The following THSD4 variants were observed in gnomAD, a reference collection of about 807,000 sequenced individuals.
The protein encoded by THSD4 is thrombospondin type-1 domain-containing protein 4.
Under a neutral mutation model 119.0 loss-of-function variants are expected in THSD4, and 69 were observed. That is an observed-to-expected ratio of 0.58 (90% CI 0.48 to 0.71). THSD4 has a LOEUF of 0.71. THSD4 is among the 30% of genes least tolerant of loss of function. The probability of loss-of-function intolerance (pLI) is 0.00; values close to 1 mark genes in which losing one functional copy is unlikely to be tolerated. For missense variants in THSD4, 1,393 were observed against 1,391.1 expected (o/e 1.00, Z -0.02); for synonymous variants, 524 against 540.4 (o/e 0.97, Z 0.42).
At chr15:71,417,522 C>G (rs1170781788) in intron 7 of THSD4, among the ~76,000 whole-genome samples, 2 of 107,320 alleles carry the variant, frequency 1.9e-5, no homozygotes, top group African/African-American at 3.2e-5. Flanking sequence ...GCTCTTGACC[C>G]CTTTAATGAA....
At chr15:71,486,130 C>T (rs2047812816) in intron 7 of THSD4, among the ~76,000 whole-genome samples, 2 of 152,030 alleles carry the variant, frequency 1.3e-5, no homozygotes, top group South Asian at 4.2e-4. Flanking sequence ...CTTGAGCACC[C>T]TTACACACCC....
At chr15:71,724,290 T>A (rs999267596) in intron 8 of THSD4, among the ~76,000 whole-genome samples, 9 of 83,988 alleles carry the variant, frequency 1.1e-4, no homozygotes, top group Admixed American at 4.3e-4. Flanking sequence ...TATATATATT[T>A]TTTTTTTCCC....
At chr15:71,283,917 GAGCT>G (rs1482185340) in intron 6 of THSD4, among the ~76,000 whole-genome samples, 1 of 152,196 alleles carries the variant, frequency 6.6e-6, no homozygotes, top group Non-Finnish European at 1.5e-5. Flanking sequence ...GGGAGGGAAA[GAGCT>G]AGCCCTTTGT....
At chr15:71,212,816 T>A (rs1384217190) in intron 3 of THSD4, among the ~76,000 whole-genome samples, 1 of 152,146 alleles carries the variant, frequency 6.6e-6, no homozygotes, top group Admixed American at 6.5e-5. Flanking sequence ...AAAGGAGCCA[T>A]ATAACATCAA....
At chr15:71,542,056 T>C (rs2140839753) in intron 7 of THSD4, among the ~76,000 whole-genome samples, 1 of 152,232 alleles carries the variant, frequency 6.6e-6, no homozygotes, top group East Asian at 1.9e-4. Flanking sequence ...GGAGTAAAAA[T>C]AAATGTTTGA....
At chr15:71,100,566 C>T (rs766911377) in intron 1 of THSD4, among the ~76,000 whole-genome samples, 34 of 152,138 alleles carry the variant, frequency 2.2e-4, no homozygotes, top group Non-Finnish European at 5.0e-4. Context: ...GCATTCCTGA[C>T]CCACAGAAAC....
chr15:71,237,366 A>G (rs1315835615), intron 4 of THSD4, among the ~76,000 whole-genome samples: 1 of 152,146 alleles, frequency 6.6e-6, no homozygotes, highest in African/African-American at 2.4e-5. Flanking sequence ...CTTTTGTAAC[A>G]AGTCTTCTAG....
chr15:71,568,685 C>T (rs1197946620), intron 7 of THSD4, among the ~76,000 whole-genome samples: 1 of 151,582 alleles, frequency 6.6e-6, no homozygotes, highest in East Asian at 1.9e-4. Flanking sequence ...TGGTGCGCTG[C>T]ACCCATTAAC....
chr15:71,199,453 G>GTGTGTGTGATGCAC (rs1491258727), intron 3 of THSD4, among the ~76,000 whole-genome samples: 1 of 110,740 alleles, frequency 9.0e-6, no homozygotes, highest in African/African-American at 3.1e-5. Context: ...GTGTGTGTGT[G>GTGTGTGTGATGCAC]GGGGGGGGTG....
At chr15:71,241,740 C>T (rs1397699310) in intron 4 of THSD4, among the ~76,000 whole-genome samples, 1 of 152,144 alleles carries the variant, frequency 6.6e-6, no homozygotes, top group Non-Finnish European at 1.5e-5. Flanking sequence ...CCCACGTCCC[C>T]CGCCCCACCC....
intron 11 of THSD4, among the ~76,000 whole-genome samples, chr15:71,741,941 C>T (rs571399769): frequency 1.3e-5 from 2 of 152,336 alleles, no homozygotes; most frequent in South Asian, 4.1e-4. Flanking sequence ...GGAGGCCTCT[C>T]CTTTGCTCTG....
chr15:71,656,451 G>A (rs1339397144), intron 7 of THSD4, among the ~76,000 whole-genome samples: 1 of 152,194 alleles, frequency 6.6e-6, no homozygotes, highest in Admixed American at 6.5e-5. Context: ...TGTGTATAAA[G>A]TATAATGTTA....
At chr15:71,389,810 G>GTTTTTTTTTTTTTTTTTTTTTTTTTT (rs556682631) in intron 6 of THSD4, among the ~76,000 whole-genome samples, 1 of 87,998 alleles carries the variant, frequency 1.1e-5, no homozygotes, top group Non-Finnish European at 2.2e-5. Flanking sequence ...TTTCTGGGTT[G>GTTTTTTTTTTTTTTTTTTTTTTTTTT]TTTTTTTTTT....
At chr15:71,306,032 G>T (rs1001265223) in intron 6 of THSD4, among the ~76,000 whole-genome samples, 5 of 152,158 alleles carry the variant, frequency 3.3e-5, no homozygotes, top group Admixed American at 6.5e-5. Context: ...GACGGGCCAG[G>T]CGCAGTGGTT....
At chr15:71,640,781 A>G (rs2050842139) in intron 7 of THSD4, among the ~76,000 whole-genome samples, 1 of 151,954 alleles carries the variant, frequency 6.6e-6, no homozygotes, top group Admixed American at 6.6e-5. Context: ...TTCCAATTCC[A>G]CCTACCATGT....
chr15:71,217,659 GT>G (rs2043945836), intron 4 of THSD4, among the ~76,000 whole-genome samples: 1 of 151,654 alleles, frequency 6.6e-6, no homozygotes, highest in Non-Finnish European at 1.5e-5. Context: ...TGGCCAATGA[GT>G]TTTGTCACCA....
At chr15:71,274,189 A>G (rs2044564116) in intron 6 of THSD4, among the ~76,000 whole-genome samples, 1 of 152,240 alleles carries the variant, frequency 6.6e-6, no homozygotes, top group Admixed American at 6.5e-5. Flanking sequence ...TATGGGATGG[A>G]CAAAAATGAT....
At chr15:71,282,546 A>G (rs1220850208) in intron 6 of THSD4, among the ~76,000 whole-genome samples, 3 of 152,160 alleles carry the variant, frequency 2.0e-5, no homozygotes, top group African/African-American at 7.2e-5. Flanking sequence ...GACATATCCT[A>G]GCTAAGCTCT....
At chr15:71,542,157 C>T (rs1274282537) in intron 7 of THSD4, among the ~76,000 whole-genome samples, 3 of 152,120 alleles carry the variant, frequency 2.0e-5, no homozygotes, top group Non-Finnish European at 4.4e-5. Flanking sequence ...AGAAAATCAC[C>T]ATTAGAACAC....
Sources: gnomAD v4.1 joint callset for allele counts (sites outside exome capture counted in the v4.1 genomes callset) on GRCh38, gnomAD v4.1.1 for gene constraint, MANE v1.5 for transcripts, NCBI Gene and HGNC (gene_info 2026-07-23, HGNC 2026-07-21) for gene names.